EBF3: variants seen among roughly 807,000 people sequenced by gnomAD.
EBF3 encodes the protein transcription factor COE3.
Under a neutral mutation model 77.1 loss-of-function variants are expected in EBF3, and 18 were observed. The observed-to-expected ratio is 0.23, with a 90% confidence interval of 0.16 to 0.35. The LOEUF (loss-of-function observed/expected upper bound fraction) is 0.35. EBF3 is among the 10% of genes least tolerant of loss of function. The probability of loss-of-function intolerance (pLI) is 1.00; values close to 1 mark genes in which losing one functional copy is unlikely to be tolerated. For synonymous variants in EBF3, 350 were observed against 343.5 expected (o/e 1.02, Z -0.21); for missense variants, 558 against 860.0 (o/e 0.65, Z 4.39).
chr10:129,910,502 C>A (rs1855452829), intron 6 of EBF3, among the ~76,000 whole-genome samples: 1 of 152,150 alleles, frequency 6.6e-6, no homozygotes, highest in Non-Finnish European at 1.5e-5. Flanking sequence ...TTGGAAGGGT[C>A]CGAAGAGCCA....
At chr10:129,857,182 C>T (rs1011309727) in intron 10 of EBF3, among the ~76,000 whole-genome samples, 10 of 152,192 alleles carry the variant, frequency 6.6e-5, no homozygotes, top group Non-Finnish European at 1.0e-4. Context: ...AAGGCAGAGA[C>T]GCTTTAAAGA....
intron 6 of EBF3, among the ~76,000 whole-genome samples, chr10:129,914,697 C>T (rs934704246): frequency 6.6e-6 from 1 of 152,220 alleles, no homozygotes; most frequent in Non-Finnish European, 1.5e-5. Context: ...CAGGGCGGGC[C>T]CATGCTCCAC....
intron 7 of EBF3, among the ~76,000 whole-genome samples, chr10:129,876,467 G>A (rs969777741): frequency 7.2e-5 from 11 of 152,318 alleles, no homozygotes; most frequent in East Asian, 1.9e-4. Flanking sequence ...CCAACTGTTC[G>A]CAGGAAACAC....
chr10:129,898,875 G>A (rs973934322), intron 6 of EBF3, among the ~76,000 whole-genome samples: 1 of 152,200 alleles, frequency 6.6e-6, no homozygotes, highest in Non-Finnish European at 1.5e-5. Context: ...AAGGCTGCCC[G>A]GCCCGCGGCC....
chr10:129,883,306 A>G (rs1853338454), intron 6 of EBF3, among the ~76,000 whole-genome samples: 1 of 152,196 alleles, frequency 6.6e-6, no homozygotes, highest in Non-Finnish European at 1.5e-5. Context: ...GCTGCAAGGA[A>G]AGAGCTCTGG....
At chr10:129,941,054 G>C (rs1386044376) in intron 6 of EBF3, among the ~76,000 whole-genome samples, 1 of 152,174 alleles carries the variant, frequency 6.6e-6, no homozygotes, top group Non-Finnish European at 1.5e-5. Flanking sequence ...GTGAGGGAGA[G>C]CCCGCCCACT....
chr10:129,937,100 C>A (rs946192652), intron 6 of EBF3, among the ~76,000 whole-genome samples: 5 of 152,220 alleles, frequency 3.3e-5, no homozygotes, highest in Non-Finnish European at 4.4e-5. Context: ...CCCAGAGAAT[C>A]CCCAAAAGCT....
Position 129,885,309 on chromosome 10 carries a change from TA to T in EBF3, c.555-7461del, listed in dbSNP as rs1387525071. ...TTGGAGAAATTTGTATGACTCGCAT[TA>T]AACTTTTCCGGGTGGTTTTAATGTG... On this transcript the variant is annotated intron_variant, in intron 6 of 16. Transcript: ENST00000440978. The surrounding 1 kb of genome is among the most constrained non-coding windows in gnomAD (Gnocchi z 4.0). Among the ~76,000 whole-genome samples the T allele has an allele frequency of 1.3e-5, 2 of 152,186 alleles. No homozygotes were observed. Among genetic ancestry groups the T allele is most frequent in the African/African-American group, 4.8e-5 (2 of 41,436 alleles).
intron 6 of EBF3, among the ~76,000 whole-genome samples, chr10:129,898,930 G>A (rs1242826117): frequency 6.6e-6 from 1 of 152,234 alleles, no homozygotes; most frequent in Non-Finnish European, 1.5e-5. Flanking sequence ...CTCGGATAAC[G>A]TGCAGCCTCG....
intron 4 of EBF3, among the ~76,000 whole-genome samples, chr10:129,959,411 C>T (rs1243386901): frequency 6.6e-6 from 1 of 152,132 alleles, no homozygotes; most frequent in Non-Finnish European, 1.5e-5. Context: ...CAGGCCGCGT[C>T]CTCAGGCCAT....
chr10:129,949,583 C>G (rs1037077275), intron 6 of EBF3, among the ~76,000 whole-genome samples: 1 of 152,182 alleles, frequency 6.6e-6, no homozygotes, highest in Non-Finnish European at 1.5e-5. Context: ...CACATGCACG[C>G]CTGGGGAAGG....
Position 129,947,935 on chromosome 10 carries a change from A to T in EBF3, c.554+9323T>A, listed in dbSNP as rs1289425397. ...AAAAAGTCACAAGAAGACATGCAGGAAACTTAAATGCCTACTGCTCAGTGA... is the reference window on the plus strand; with the variant it reads ...AAAAAGTCACAAGAAGACATGCAGGTAACTTAAATGCCTACTGCTCAGTGA... On this transcript the variant is annotated intron_variant, in intron 6 of 16. Transcript: ENST00000440978. This position sits in a 1 kb window ranked among gnomAD's most constrained non-coding sequence, Gnocchi z 4.5. Among the ~76,000 whole-genome samples, 1 of 152,174 alleles carries T rather than the reference A, an allele frequency of 6.6e-6. No homozygotes were observed. The highest frequency in any genetic ancestry group is 1.5e-5 in the Non-Finnish European group (1 of 68,044).
chr10:129,907,087 A>C (rs1403425636), intron 6 of EBF3, among the ~76,000 whole-genome samples: 1 of 152,250 alleles, frequency 6.6e-6, no homozygotes, highest in Non-Finnish European at 1.5e-5. Flanking sequence ...TTCACTGTGG[A>C]AACAGCTAAT....
intron 6 of EBF3, among the ~76,000 whole-genome samples, chr10:129,948,989 G>C (rs1381510346): frequency 6.6e-6 from 1 of 152,166 alleles, no homozygotes; most frequent in Non-Finnish European, 1.5e-5. Flanking sequence ...ATATCCCCTG[G>C]TGCTGAAGTT....
At chr10:129,867,645 T>C in intron 9 of EBF3, 137 bp downstream of exon 9, 1 of 1,432,274 alleles carries the variant, frequency 7.0e-7, no homozygotes, top group South Asian at 1.4e-5. Flanking sequence ...GAGAAGCTGC[T>C]GCCACAGGCG....
intron 6 of EBF3, among the ~76,000 whole-genome samples, chr10:129,920,060 G>A (rs1171794): frequency 2.6e-4 from 30 of 116,906 alleles, no homozygotes; most frequent in Non-Finnish European, 4.2e-4. Flanking sequence ...AACCCGCCCC[G>A]CTGTGCGGTC....
chr10:129,840,613 T>C (rs1180135986), intron 14 of EBF3, among the ~76,000 whole-genome samples, 171 bp from the exon 15 acceptor site: 2 of 152,196 alleles, frequency 1.3e-5, no homozygotes, highest in African/African-American at 4.8e-5. Flanking sequence ...CACTGGACTT[T>C]CCCTTCCAAT....
chr10:129,906,198 T>C (rs142758394), intron 6 of EBF3, among the ~76,000 whole-genome samples: 117 of 152,332 alleles, frequency 7.7e-4, no homozygotes, highest in African/African-American at 2.7e-3. Flanking sequence ...AAGAAAGAAA[T>C]GACTGGGGCA....
intron 6 of EBF3, among the ~76,000 whole-genome samples, chr10:129,905,799 C>A (rs751975985): frequency 7.2e-5 from 11 of 152,218 alleles, no homozygotes; most frequent in Non-Finnish European, 1.3e-4. Flanking sequence ...TGCATGGCAA[C>A]CTCCCCGCTG....
Sources: allele counts gnomAD v4.1 joint callset (sites outside exome capture counted in the v4.1 genomes callset), GRCh38; gene constraint gnomAD v4.1.1; non-coding constraint Gnocchi (gnomAD v3.1); transcripts MANE v1.5; gene names NCBI Gene and HGNC (gene_info 2026-07-23, HGNC 2026-07-21).